Variants in MLIP observed in about 807,000 individuals in gnomAD.
MLIP encodes the protein muscular LMNA-interacting protein.
A neutral mutation model predicts 84.8 loss-of-function variants in MLIP; 79 were observed. That is an observed-to-expected ratio of 0.93 (90% CI 0.78 to 1.12). The LOEUF is 1.12. Among genes scored for constraint, MLIP ranks in the 50% most tolerant of loss-of-function variants. The probability of loss-of-function intolerance (pLI) is 0.00; values close to 1 mark genes in which losing one functional copy is unlikely to be tolerated. For synonymous variants in MLIP, 504 were observed against 463.0 expected (o/e 1.09, Z -1.14); for missense variants, 1,257 against 1,160.6 (o/e 1.08, Z -1.21).
chr6:54,141,136 T>C lies in MLIP; in HGVS notation c.2217+2850T>C, dbSNP rs138776058. Among the ~76,000 whole-genome samples the C allele has an allele frequency of 3.4e-4, 52 of 152,320 alleles. 1 individual carries two copies. Among genetic ancestry groups the C allele is most frequent in the African/African-American group, 1.1e-3 (47 of 41,580 alleles). ...CATAGTATGCTGAGCTAAATTCAGA[T>C]ATAAAGTGTGTTTGATGTTCCTTTT... On this transcript the variant is annotated intron_variant, in intron 4 of 13. Transcript: ENST00000502396.
chr6:54,230,598 G>A (rs1318258412), intron 11 of MLIP, 116 bp from the exon 12 acceptor site: 17 of 841,966 alleles, frequency 2.0e-5, no homozygotes, highest in Non-Finnish European at 3.1e-5. Flanking sequence ...CTCATGAGGA[G>A]AGGTTGTCTT....
At chr6:54,075,745 A>G (rs1766764733) in intron 1 of MLIP, among the ~76,000 whole-genome samples, 1 of 152,136 alleles carries the variant, frequency 6.6e-6, no homozygotes, top group Non-Finnish European at 1.5e-5. Context: ...TTCCTCTTTT[A>G]TTCCATATGG....
At chr6:54,090,430 A>C (rs1249229248) in intron 1 of MLIP, among the ~76,000 whole-genome samples, 1 of 152,170 alleles carries the variant, frequency 6.6e-6, no homozygotes, top group Non-Finnish European at 1.5e-5. Flanking sequence ...ATAACTAGTT[A>C]GCAAGTTTGA....
intron 12 of MLIP, among the ~76,000 whole-genome samples, chr6:54,249,056 A>G (rs966613953): frequency 1.8e-4 from 27 of 152,142 alleles, no homozygotes; most frequent in African/African-American, 6.5e-4. Context: ...TCATTTTACC[A>G]TCCCCATCAG....
intron 11 of MLIP, among the ~76,000 whole-genome samples, chr6:54,207,006 C>G (rs568967710): frequency 6.6e-6 from 1 of 152,048 alleles, no homozygotes; most frequent in African/African-American, 2.4e-5. Context: ...TTAAATGAAC[C>G]TTTTTAGGTG....
chr6:54,174,896 A>T (rs2150611269), intron 9 of MLIP, among the ~76,000 whole-genome samples: 1 of 152,024 alleles, frequency 6.6e-6, no homozygotes, highest in South Asian at 2.1e-4. Flanking sequence ...AGGTTTAAGT[A>T]TTTAATTCAT....
chr6:54,044,532 AG>A (rs1285420694), intron 1 of MLIP, among the ~76,000 whole-genome samples: 1 of 152,232 alleles, frequency 6.6e-6, no homozygotes, highest in Non-Finnish European at 1.5e-5. Context: ...TCAAGCACAT[AG>A]GCCCTTGTGT....
intron 1 of MLIP, among the ~76,000 whole-genome samples, chr6:54,100,233 G>T (rs1013646470): frequency 6.6e-6 from 1 of 152,078 alleles, no homozygotes; most frequent in Admixed American, 6.6e-5. Context: ...GGAAGTGATG[G>T]AGCCATTCTT....
At chr6:54,089,551 A>G (rs1294575029) in intron 1 of MLIP, among the ~76,000 whole-genome samples, 1 of 152,152 alleles carries the variant, frequency 6.6e-6, no homozygotes, top group African/African-American at 2.4e-5. Context: ...CTTATATGAC[A>G]TAGCTCTAAC....
chr6:54,185,744 G>T (rs986152217), intron 9 of MLIP, among the ~76,000 whole-genome samples: 1 of 151,792 alleles, frequency 6.6e-6, no homozygotes, highest in Non-Finnish European at 1.5e-5. Context: ...TAACTTAGGG[G>T]ATCAATAGAG....
At chr6:54,232,726 G>A (rs371148517) in intron 12 of MLIP, among the ~76,000 whole-genome samples, 1 of 152,140 alleles carries the variant, frequency 6.6e-6, no homozygotes, top group Admixed American at 6.6e-5. Flanking sequence ...GCCTTTAATT[G>A]CAAGACATAA....
intron 1 of MLIP, among the ~76,000 whole-genome samples, chr6:54,033,400 G>A (rs1181644340): frequency 1.3e-5 from 2 of 151,886 alleles, no homozygotes; most frequent in African/African-American, 4.8e-5. Context: ...CAGAGTAGCT[G>A]GGAATACAGG....
intron 1 of MLIP, among the ~76,000 whole-genome samples, chr6:54,102,745 C>T (rs1196180426): frequency 2.0e-5 from 3 of 152,132 alleles, no homozygotes; most frequent in South Asian, 2.1e-4. Context: ...ATGTGACAGG[C>T]ACTGCATTAG....
At chr6:54,250,870 A>G (rs1252044714) in intron 12 of MLIP, among the ~76,000 whole-genome samples, 3 of 152,096 alleles carry the variant, frequency 2.0e-5, no homozygotes, top group Non-Finnish European at 4.4e-5. Flanking sequence ...AGTTTAGGTT[A>G]GATTCATCTA....
At position 54,260,540 on chromosome 6, in the gene MLIP, C is replaced by T. The variant is rs9357794; in HGVS notation, c.2976+3179C>T. ...AAATTATAGTTCCTTCATTGGCAGTCTAGGAAGGCCAATCAAATAAATCCA... is the reference window on the plus strand; with the variant it reads ...AAATTATAGTTCCTTCATTGGCAGTTTAGGAAGGCCAATCAAATAAATCCA... On this transcript the variant is annotated intron_variant, in intron 13 of 13. Transcript: ENST00000502396. 8.0e-3 allele frequency among the ~76,000 whole-genome samples: 1,219 copies of T among 152,012 alleles called. 10 individuals carry two copies. Among genetic ancestry groups the T allele is most frequent in the Non-Finnish European group, 0.013 (896 of 67,930 alleles).
chr6:54,190,735 C>G (rs1226491827), intron 10 of MLIP, among the ~76,000 whole-genome samples: 1 of 151,100 alleles, frequency 6.6e-6, no homozygotes, highest in Admixed American at 6.6e-5. Context: ...CTTATGCTTA[C>G]AGTGGTTACC....
chr6:54,217,470 G>A (rs1415504544), intron 11 of MLIP: 2 of 985,220 alleles, frequency 2.0e-6, no homozygotes, highest in Non-Finnish European at 2.4e-6. Context: ...CTAATTTTCT[G>A]ATGTGTCTGT....
chr6:54,086,067 G>A (rs614956), intron 1 of MLIP, among the ~76,000 whole-genome samples: 79,834 of 151,958 alleles, frequency 0.53, 24,560 homozygotes, highest in Non-Finnish European at 0.69. Context: ...CTGAACTATT[G>A]GTTATTTTCT....
At chr6:54,092,736 T>C (rs1469147454) in intron 1 of MLIP, among the ~76,000 whole-genome samples, 1 of 152,208 alleles carries the variant, frequency 6.6e-6, no homozygotes, top group Non-Finnish European at 1.5e-5. Flanking sequence ...AAAATGGTTT[T>C]AAATCTTCTC....
Sources: allele counts gnomAD v4.1 joint callset (sites outside exome capture counted in the v4.1 genomes callset), GRCh38; gene constraint gnomAD v4.1.1; transcripts MANE v1.5; gene names NCBI Gene and HGNC (gene_info 2026-07-23, HGNC 2026-07-21).